Variants in RRN3 observed in about 807,000 individuals in gnomAD.
RRN3 encodes RNA polymerase I transcription factor RRN3, also known as RNA polymerase I-specific transcription initiation factor RRN3.
Under a neutral mutation model 82.3 loss-of-function variants are expected in RRN3, and 38 were observed. That is an observed-to-expected ratio of 0.46 (90% CI 0.36 to 0.61). The LOEUF is 0.61. Among genes scored for constraint, RRN3 ranks in the 20% least tolerant of loss-of-function variants. The pLI, the probability that RRN3 is intolerant of heterozygous loss-of-function variation, is 0.00. For missense variants in RRN3, 726 were observed against 793.1 expected (o/e 0.92, Z 1.02); for synonymous variants, 284 against 284.3 (o/e 1.00, Z 0.01).
At position 15,074,787 on chromosome 16, in the gene RRN3, G is replaced by A. The variant is rs375443117; in HGVS notation, c.933C>T (p.Ala311=). Residue 311 remains alanine (A), a synonymous_variant, in exon 11 of 18, where the codon GCC becomes GCT. Coordinates refer to ENST00000198767, the MANE Select transcript of RRN3 (RefSeq NM_018427.5). ...ERLDQMVHPV[A]ERLDILMSLV... ...AAGACATCAGGATGTCCAGGCGCTC[G>A]GCTACAGGATGCACCATCTGGTCGA... The A allele has an allele frequency of 3.8e-5, 61 of 1,613,898 alleles. No individual in the cohort carries two copies. The highest frequency in any genetic ancestry group is 1.2e-4 in the Admixed American group (7 of 59,994).
rs1443118681 is a variant in RRN3 at position 15,076,541 on chromosome 16, A to G, written c.858+17T>C. The G allele has an allele frequency of 1.9e-6, 3 of 1,540,210 alleles. No homozygotes were observed. The Admixed American group carries it at 5.0e-5, about 26-fold the overall frequency. On this transcript the variant is annotated intron_variant, in intron 10 of 17. Transcript: ENST00000198767. Reference sequence around the variant, plus strand: ...TATGATAAACTTCATCTCCACTTTCATTAATAAACTGCTAACCATATTAAA... The same window carrying G: ...TATGATAAACTTCATCTCCACTTTCGTTAATAAACTGCTAACCATATTAAA...
Position 15,072,995 on chromosome 16 carries a change from G to A in RRN3, c.1083C>T (p.Ser361=). 3.1e-6 allele frequency: 5 copies of A among 1,613,704 alleles called. No individual in the cohort carries two copies. Among genetic ancestry groups the A allele is most frequent in the Non-Finnish European group, 4.2e-6 (5 of 1,179,878 alleles). ...FDKLLLPTHA[S]CHVQFFMFYL... ...AAAACATGAAAAACTGTACATGGCAGGAGGCATGGGTGGGCAACAGGAGTT... is the reference window on the plus strand; with the variant it reads ...AAAACATGAAAAACTGTACATGGCAAGAGGCATGGGTGGGCAACAGGAGTT... Residue 361 remains serine (S), a synonymous_variant, in exon 12 of 18, where the codon TCC becomes TCT. Transcript: ENST00000198767.
Position 15,065,413 on chromosome 16 carries a change from C to T in RRN3, c.1554-42G>A, listed in dbSNP as rs143358246. Reference sequence around the variant, plus strand: ...CAACACAGACAGAGGCATTAACATGCTGGAGTGACTCGGTGCAGATGTGAG... The same window carrying T: ...CAACACAGACAGAGGCATTAACATGTTGGAGTGACTCGGTGCAGATGTGAG... On this transcript the variant is annotated intron_variant, in intron 15 of 17. Coordinates refer to ENST00000198767, the MANE Select transcript of RRN3 (RefSeq NM_018427.5). The T allele has an allele frequency of 8.8e-6, 14 of 1,585,056 alleles. No homozygotes were observed. The African/African-American group carries it at 1.5e-4, about 17-fold the overall frequency.
chr16:15,079,152 T>G (rs1460455818), intron 9 of RRN3, among the ~76,000 whole-genome samples: 1 of 129,744 alleles, frequency 7.7e-6, no homozygotes, highest in Admixed American at 8.8e-5. Flanking sequence ...AACACCAAGA[T>G]TCAATTCCAC....
At chr16:15,092,409 A>G in intron 2 of RRN3, 100 bp downstream of exon 2, 2 of 738,400 alleles carry the variant, frequency 2.7e-6, no homozygotes, top group Non-Finnish European at 4.9e-6. Context: ...TTCAACTGGT[A>G]TCTTAATTAA....
At chr16:15,065,835 C>A (rs904800974) in intron 15 of RRN3, among the ~76,000 whole-genome samples, 12 of 152,060 alleles carry the variant, frequency 7.9e-5, no homozygotes, top group African/African-American at 2.4e-5. Flanking sequence ...TGAAGAAGCA[C>A]TGAAAAAGAA....
intron 8 of RRN3, among the ~76,000 whole-genome samples, chr16:15,080,490 A>G (rs1401195048): frequency 6.6e-6 from 1 of 152,196 alleles, no homozygotes; most frequent in African/African-American, 2.4e-5. Flanking sequence ...GATGGCGTAC[A>G]GTGGTGCAAT....
intron 8 of RRN3, among the ~76,000 whole-genome samples, chr16:15,083,192 C>T (rs552466556): frequency 3.9e-5 from 6 of 152,174 alleles, no homozygotes; most frequent in South Asian, 2.1e-4. Flanking sequence ...CAAGGTCAGG[C>T]GTTCGATACC....
chr16:15,086,068 G>T, intron 5 of RRN3, 61 bp downstream of exon 5: 1 of 1,487,384 alleles, frequency 6.7e-7, no homozygotes, highest in Non-Finnish European at 9.2e-7. Flanking sequence ...TATATAAGGG[G>T]AAGGTAGTAT....
chr16:15,082,666 G>C (rs552403803), intron 8 of RRN3, among the ~76,000 whole-genome samples: 7 of 150,684 alleles, frequency 4.6e-5, no homozygotes, highest in African/African-American at 1.7e-4. Flanking sequence ...GACGGAGACT[G>C]TCCCCCCACC....
chr16:15,068,376 C>T, intron 14 of RRN3, 99 bp from the exon 15 acceptor site: 1 of 1,425,926 alleles, frequency 7.0e-7, no homozygotes, highest in South Asian at 1.4e-5. Flanking sequence ...TTAAAAAAAA[C>T]TTTAAAAAAT....
At chr16:15,089,213 C>A (rs2046022834) in intron 3 of RRN3, among the ~76,000 whole-genome samples, 1 of 151,924 alleles carries the variant, frequency 6.6e-6, no homozygotes. Flanking sequence ...ATGGCTTGAA[C>A]CCAGGAGGCA....
intron 9 of RRN3, among the ~76,000 whole-genome samples, chr16:15,078,056 T>G (rs564171449): frequency 1.8e-4 from 28 of 152,340 alleles, no homozygotes; most frequent in African/African-American, 6.5e-4. Context: ...TCAAATATCT[T>G]AACATACCAC....
chr16:15,063,651 G>C (rs1016984492), intron 16 of RRN3, among the ~76,000 whole-genome samples: 2 of 142,012 alleles, frequency 1.4e-5, no homozygotes, highest in South Asian at 4.6e-4. Flanking sequence ...CTTGCAGCGA[G>C]CCGAGATCGC....
intron 8 of RRN3, among the ~76,000 whole-genome samples, chr16:15,081,567 C>T (rs2045704339): frequency 6.6e-6 from 1 of 152,186 alleles, no homozygotes; most frequent in African/African-American, 2.4e-5. Context: ...GAGTTCTTTA[C>T]ATATACAAGT....
chr16:15,094,300 G>A (rs1349844069), upstream of RRN3: 3 of 1,356,666 alleles, frequency 2.2e-6, no homozygotes, highest in Non-Finnish European at 2.0e-6. Flanking sequence ...CACAGCCTCT[G>A]TCCCGGAAGT....
chr16:15,067,853 G>A (rs2045043083), intron 15 of RRN3, among the ~76,000 whole-genome samples: 1 of 151,978 alleles, frequency 6.6e-6, no homozygotes, highest in Admixed American at 6.6e-5. Flanking sequence ...GACTTCCTGG[G>A]CTCAAGTGAT....
chr16:15,066,231 G>T (rs2044965852), intron 15 of RRN3, among the ~76,000 whole-genome samples: 1 of 152,120 alleles, frequency 6.6e-6, no homozygotes, highest in Non-Finnish European at 1.5e-5. Context: ...GCACTATCAG[G>T]TAAAGTTGAA....
At chr16:15,080,353 TCATA>T (rs2045646697) in intron 8 of RRN3, among the ~76,000 whole-genome samples, 1 of 152,232 alleles carries the variant, frequency 6.6e-6, no homozygotes, top group Admixed American at 6.5e-5. Flanking sequence ...AACTCATATA[TCATA>T]CAATCACCAA....
Sources: gnomAD v4.1 joint callset for allele counts (sites outside exome capture counted in the v4.1 genomes callset) on GRCh38, gnomAD v4.1.1 for gene constraint, MANE v1.5 for transcripts, NCBI Gene and HGNC (gene_info 2026-07-23, HGNC 2026-07-21) for gene names.